The following ELMO2 variants were observed in gnomAD, a reference collection of about 807,000 sequenced individuals.
The protein encoded by ELMO2 is engulfment and cell motility 2, also known as engulfment and cell motility protein 2.
In ELMO2, 37 loss-of-function variants were observed where a neutral mutation model predicts 96.2. The observed-to-expected ratio is 0.38, with a 90% CI of 0.30 to 0.51. ELMO2 has a LOEUF of 0.51. ELMO2 is among the 20% of genes least tolerant of loss of function. The probability of loss-of-function intolerance (pLI) is 0.88; values close to 1 mark genes in which losing one functional copy is unlikely to be tolerated. For synonymous variants in ELMO2, 315 were observed against 329.4 expected, an observed-to-expected ratio of 0.96 and a Z score of 0.47; for missense variants, 561 against 912.6, an observed-to-expected ratio of 0.61 and a Z score of 4.96.
intron 1 of ELMO2, among the ~76,000 whole-genome samples, chr20:46,401,400 C>T (rs1414289363): frequency 6.6e-6 from 1 of 152,152 alleles, no homozygotes; most frequent in Non-Finnish European, 1.5e-5. Flanking sequence ...AGACACAGGA[C>T]TCATTCACAC....
chr20:46,404,776 T>A (rs190898865), intron 1 of ELMO2, among the ~76,000 whole-genome samples: 4 of 152,344 alleles, frequency 2.6e-5, no homozygotes, highest in Admixed American at 2.6e-4. Context: ...TTAATATTGA[T>A]TATGTTATAA....
chr20:46,393,233 T>C, intron 5 of ELMO2, 90 bp from the exon 6 acceptor site: 1 of 1,333,018 alleles, frequency 7.5e-7, no homozygotes, highest in Non-Finnish European at 1.1e-6. Flanking sequence ...GTTTTGTCTT[T>C]TTTACAGTAG....
chr20:46,401,929 T>C lies in ELMO2; in HGVS notation c.-125-3158A>G, dbSNP rs1193846592. ...TCCTACTGATTTATAATTCTCTATG[T>C]GCAGTCTCTTCCCTGGCTACGATAG... On this transcript the variant is annotated intron_variant, in intron 1 of 21. Transcript: ENST00000290246. 5.3e-5 allele frequency among the ~76,000 whole-genome samples: 8 copies of C among 152,304 alleles called. No homozygotes were observed. In the East Asian group the frequency reaches 1.5e-3, roughly 29 times the overall value.
At chr20:46,393,178 A>C (rs757124583) in intron 5 of ELMO2, 35 bp from the exon 6 acceptor site, 4 of 1,602,142 alleles carry the variant, frequency 2.5e-6, no homozygotes, top group Non-Finnish European at 3.4e-6. Context: ...AAAGTAACTA[A>C]GATAAAATGT....
Position 46,371,493 on chromosome 20 carries a change from C to T in ELMO2, c.1694-34G>A, listed in dbSNP as rs147623211. 520 of 1,613,432 alleles carry T rather than the reference C, an allele frequency of 3.2e-4. 3 individuals carry two copies. In the East Asian group the frequency reaches 8.8e-3, roughly 27 times the overall value. On this transcript the variant is annotated intron_variant, in intron 18 of 21. Coordinates refer to ENST00000290246, the MANE Select transcript of ELMO2 (RefSeq NM_133171.5). This position sits in a 1 kb window ranked among gnomAD's most constrained non-coding sequence, Gnocchi z 5.9. ...CAAGGGAAGCCAAACAGGTGAGCAA[C>T]GACAGTACTGGGAAAGGCCTGGGCA...
intron 1 of ELMO2, among the ~76,000 whole-genome samples, chr20:46,401,701 C>T (rs2060339272): frequency 6.6e-6 from 1 of 152,198 alleles, no homozygotes; most frequent in Non-Finnish European, 1.5e-5. Flanking sequence ...CACCTGTTCC[C>T]TGAAAAACCA....
In ELMO2 at chr20:46,366,610, C is replaced by T. The variant is rs938517407; in HGVS notation, c.*750G>A. On this transcript the variant is annotated 3_prime_UTR_variant, in exon 22 of 22. Coordinates refer to ENST00000290246, the MANE Select transcript of ELMO2 (RefSeq NM_133171.5). ...GGGGAAGAGCAGTAGAATCTAGTGA[C>T]CTCACCACAGTCTAGGCCCAGGCCT... 6.6e-6 allele frequency: 1 copy of T among 152,300 alleles called. No individual in the cohort carries two copies. The highest frequency in any genetic ancestry group is 2.4e-5 in the African/African-American group (1 of 41,460). 9.4% of individuals were successfully genotyped at this position (152,300 alleles called of 1,614,324 possible).
intron 1 of ELMO2, among the ~76,000 whole-genome samples, chr20:46,404,084 C>CA (rs371571428): frequency 8.5e-4 from 125 of 147,350 alleles, no homozygotes; most frequent in African/African-American, 2.6e-3. Flanking sequence ...AACTCCATCT[C>CA]AAAAAAAAAA....
rs1439937200 is a variant in ELMO2 at position 46,374,519 on chromosome 20, A to G, written c.1170+17T>C. 2.5e-6 allele frequency: 4 copies of G among 1,613,544 alleles called. No individual in the cohort carries two copies. The African/African-American group carries it at 5.3e-5, about 22-fold the overall frequency. On this transcript the variant is annotated intron_variant, in intron 14 of 21. Transcript: ENST00000290246. The stretch of plus-strand genomic sequence containing the variant: ...ATGTGGCACCAGGACTGAGAAGGCC[A>G]GCTCCCCTGCCTTTACCCGGATGTA...
intron 20 of ELMO2, chr20:46,370,167 A>C: frequency 1.7e-6 from 1 of 578,850 alleles, no homozygotes; most frequent in East Asian, 3.7e-5. Flanking sequence ...TACGATGTAC[A>C]CTAAATATTT....
chr20:46,389,189 G>A lies in ELMO2; in HGVS notation c.275C>T (p.Thr92Ile). 6.2e-7 allele frequency: 1 copy of A among 1,614,146 alleles called. No homozygotes were observed. The highest frequency in any genetic ancestry group is 8.5e-7 in the Non-Finnish European group (1 of 1,180,012). The change falls in exon 7 of 22, where the codon ACC (threonine) becomes ATC (isoleucine). Residue 92 changes from threonine (T) to isoleucine (I), a missense_variant. Thr to Ile is a moderately conservative substitution (Grantham distance 89). Coordinates refer to ENST00000290246, the MANE Select transcript of ELMO2 (RefSeq NM_133171.5). ...CCGGGTCTCCATGTTGGATGACTGG[G>A]TCCTCTCCATCAGCTGGCGTGCAGC... ...SRAARQLMER[T>I]QSSNMETRLD...
At chr20:46,386,717 T>C (rs1447429009) in intron 8 of ELMO2, among the ~76,000 whole-genome samples, 2 of 152,200 alleles carry the variant, frequency 1.3e-5, no homozygotes, top group Non-Finnish European at 2.9e-5. Context: ...CCCATTATAA[T>C]ATCCTTGACA....
In ELMO2 at chr20:46,394,390, A is replaced by G. The variant is rs183276702; in HGVS notation, c.78+15T>C. Reference sequence around the variant, plus strand: ...GCCTTTCCTTGAACCACTGCTTCTCACTTCAGGAGCATACCTGGTCGATTT... The same window carrying G: ...GCCTTTCCTTGAACCACTGCTTCTCGCTTCAGGAGCATACCTGGTCGATTT... On this transcript the variant is annotated intron_variant, in intron 3 of 21. Coordinates refer to ENST00000290246, the MANE Select transcript of ELMO2 (RefSeq NM_133171.5). 6.2e-7 allele frequency: 1 copy of G among 1,613,762 alleles called. No homozygotes were observed. The highest frequency in any genetic ancestry group is 1.3e-5 in the African/African-American group (1 of 74,950).
At position 46,367,236 on chromosome 20, in the gene ELMO2, G is replaced by A; in HGVS notation, c.*124C>T. 1.1e-6 allele frequency: 1 copy of A among 928,866 alleles called. No homozygotes were observed. Among genetic ancestry groups the A allele is most frequent in the Non-Finnish European group, 1.5e-6 (1 of 659,472 alleles). The allele number at this position is 928,866 out of a possible 1,614,324, so 57.5% of individuals were successfully genotyped here. On this transcript the variant is annotated 3_prime_UTR_variant, in exon 22 of 22. Coordinates refer to ENST00000290246, the MANE Select transcript of ELMO2 (RefSeq NM_133171.5). ...CCGAGGTGGGTTTGAGAAATGGCTG[G>A]CATTTACTGGCCACCAAAATCACTA...
rs2059990395 is a variant in ELMO2, at chr20:46,383,397, T to C, written c.756+19A>G. On this transcript the variant is annotated intron_variant, in intron 10 of 21. Transcript: ENST00000290246. ...CTCAGAAGAGCCCAGATGAAAAATGTGAAAAGGCAGCCACAGACCTGTCGT... is the reference window on the plus strand; with the variant it reads ...CTCAGAAGAGCCCAGATGAAAAATGCGAAAAGGCAGCCACAGACCTGTCGT... 1 of 1,612,294 alleles carries C rather than the reference T, an allele frequency of 6.2e-7. No homozygotes were observed. The highest frequency in any genetic ancestry group is 8.5e-7 in the Non-Finnish European group (1 of 1,178,362).
Position 46,371,874 on chromosome 20 carries a change from G to A in ELMO2, c.1512C>T (p.Tyr504=). 6.2e-7 allele frequency: 1 copy of A among 1,614,232 alleles called. No individual in the cohort carries two copies. The highest frequency in any genetic ancestry group is 8.5e-7 in the Non-Finnish European group (1 of 1,180,048). Residue 504 remains tyrosine, a synonymous_variant, in exon 17 of 22, where the codon TAC becomes TAT. Coordinates refer to ENST00000290246, the MANE Select transcript of ELMO2 (RefSeq NM_133171.5). The surrounding 1 kb of genome is among the most constrained non-coding windows in gnomAD (Gnocchi z 5.9). ...ACTGGCGCAGTCGTAGAATCTCAGA[G>A]TAACTCAGGCTACGCAATTTGCTCT... is the stretch of plus-strand genomic sequence containing the variant. ...QFKSKLRSLS[Y]SEILRLRQSE...
intron 16 of ELMO2, among the ~76,000 whole-genome samples, chr20:46,372,676 C>T (rs918475010): frequency 4.6e-5 from 7 of 152,126 alleles, no homozygotes; most frequent in Non-Finnish European, 8.8e-5. Context: ...AGTTCTGGCA[C>T]GCTGTGGTGT....
chr20:46,398,222 C>A (rs2145852868), intron 2 of ELMO2, among the ~76,000 whole-genome samples: 1 of 152,228 alleles, frequency 6.6e-6, no homozygotes, highest in Non-Finnish European at 1.5e-5. Flanking sequence ...CTAGATAAGT[C>A]TGATTTGTTT....
At chr20:46,369,254 T>C (rs1451902600) in intron 20 of ELMO2, 10 of 312,046 alleles carry the variant, frequency 3.2e-5, no homozygotes, top group Non-Finnish European at 5.4e-5. Flanking sequence ...TCACGATCCA[T>C]GACTGTAAGT....
Sources: gnomAD v4.1 joint callset for allele counts (sites outside exome capture counted in the v4.1 genomes callset) on GRCh38, gnomAD v4.1.1 for gene constraint, Gnocchi (gnomAD v3.1) non-coding constraint, MANE v1.5 for transcripts, NCBI Gene and HGNC (gene_info 2026-07-23, HGNC 2026-07-21) for gene names.